The following CFAP299 variants were observed in gnomAD, a reference collection of about 807,000 sequenced individuals.
CFAP299 encodes the protein cilia- and flagella-associated protein 299.
In CFAP299, 21 loss-of-function variants were observed where a neutral mutation model predicts 27.0. The ratio of observed to expected loss-of-function variants is 0.78; its 90% CI spans 0.55 to 1.12. CFAP299 has a LOEUF of 1.12. Ranked by LOEUF, CFAP299 falls within the 50% of genes most tolerant of loss-of-function variation. The probability of loss-of-function intolerance (pLI) is 0.00; values close to 1 mark genes in which losing one functional copy is unlikely to be tolerated. For synonymous variants in CFAP299, 104 were observed against 98.1 expected (o/e 1.06, Z -0.36); for missense variants, 310 against 276.6 (o/e 1.12, Z -0.86).
At chr4:80,817,654 A>G (rs183963913) in intron 3 of CFAP299, among the ~76,000 whole-genome samples, 48 of 152,266 alleles carry the variant, frequency 3.2e-4, no homozygotes, top group African/African-American at 1.1e-3. Context: ...CATTTAGGAC[A>G]AATTTAGCAC....
At chr4:80,335,043 A>G (rs1722069744), upstream of CFAP299, among the ~76,000 whole-genome samples, 1 of 152,248 alleles carries the variant, frequency 6.6e-6, no homozygotes, top group Non-Finnish European at 1.5e-5. Flanking sequence ...TAAAAACACA[A>G]TACTGTTCTG....
At chr4:80,675,649 G>A (rs1025332247) in intron 3 of CFAP299, among the ~76,000 whole-genome samples, 10 of 152,160 alleles carry the variant, frequency 6.6e-5, no homozygotes, top group Non-Finnish European at 2.9e-5. Flanking sequence ...CCAGAGGTGG[G>A]GTCTACAGAG....
intron 3 of CFAP299, among the ~76,000 whole-genome samples, chr4:80,743,542 T>C (rs1341706478): frequency 6.6e-6 from 1 of 152,180 alleles, no homozygotes; most frequent in Admixed American, 6.5e-5. Flanking sequence ...ATGACTTGGT[T>C]TTCACACACT....
rs1291326952 is a variant in CFAP299 at position 80,785,828 on chromosome 4, A to G, written c.334-84165A>G. 3.9e-5 allele frequency among the ~76,000 whole-genome samples: 6 copies of G among 152,082 alleles called. No homozygotes were observed. The East Asian group carries it at 1.2e-3, about 29-fold the overall frequency. ...ATTTTCCACAGAGTGTGACTTTTTT[A>G]ATTGAAAGAGTCTATAAGTGGTTTC... On this transcript the variant is annotated intron_variant, in intron 3 of 5. Transcript: ENST00000358105.
intron 3 of CFAP299, among the ~76,000 whole-genome samples, chr4:80,841,762 C>T (rs1336288493): frequency 6.6e-6 from 1 of 152,022 alleles, no homozygotes; most frequent in Non-Finnish European, 1.5e-5. Flanking sequence ...CAGAGCTAAG[C>T]TAAACCACAT....
intron 2 of CFAP299, among the ~76,000 whole-genome samples, chr4:80,580,745 T>G (rs1420302488): frequency 2.6e-5 from 4 of 152,024 alleles, no homozygotes; most frequent in Admixed American, 6.6e-5. Flanking sequence ...TTACTAAAAA[T>G]TCCTAGACAG....
At chr4:80,943,808 C>G (rs2110230011) in intron 4 of CFAP299, among the ~76,000 whole-genome samples, 1 of 152,208 alleles carries the variant, frequency 6.6e-6, no homozygotes, top group South Asian at 2.1e-4. Context: ...GTGGCTCACG[C>G]CTGTAATCCC....
At position 80,427,503 on chromosome 4, in the gene CFAP299, G is replaced by A. The variant is rs115790819; in HGVS notation, c.242+64619G>A. Among the ~76,000 whole-genome samples, 355 of 152,148 alleles carry A rather than the reference G, an allele frequency of 2.3e-3. 1 individual carries two copies. Among genetic ancestry groups the A allele is most frequent in the Middle Eastern group, 3.4e-3 (1 of 294 alleles). ...GAAGTCTTCTTAACCTGAATCTCAC[G>A]GACCTTTTCAGGTTTCAATAAATGA... is the stretch of plus-strand genomic sequence containing the variant. On this transcript the variant is annotated intron_variant, in intron 2 of 5. Coordinates refer to ENST00000358105, the MANE Select transcript of CFAP299 (RefSeq NM_152770.3).
chr4:80,397,942 C>T (rs1717828352), intron 2 of CFAP299, among the ~76,000 whole-genome samples: 1 of 152,144 alleles, frequency 6.6e-6, no homozygotes, highest in South Asian at 2.1e-4. Flanking sequence ...AAAACCCCAT[C>T]ATCTCAGCCC....
At chr4:80,413,103 T>G (rs1444797866) in intron 2 of CFAP299, among the ~76,000 whole-genome samples, 1 of 151,808 alleles carries the variant, frequency 6.6e-6, no homozygotes, top group African/African-American at 2.4e-5. Context: ...GTGGACCTTG[T>G]TTGTATCCCA....
chr4:80,890,736 T>A (rs2110185840), intron 4 of CFAP299, among the ~76,000 whole-genome samples: 1 of 150,868 alleles, frequency 6.6e-6, no homozygotes, highest in African/African-American at 2.5e-5. Context: ...TTTCCTGACT[T>A]TTTAATGATT....
At position 80,339,333 on chromosome 4, in the gene CFAP299, T is replaced by C. The variant is rs542549961; in HGVS notation, c.111+3454T>C. ...ATAGTGCTTTTATTCTTTTTGGTCG[T>C]GAGTTTGCCAACAATTTGCTGCCAT... is the stretch of plus-strand genomic sequence containing the variant. On this transcript the variant is annotated intron_variant, in intron 1 of 5. Coordinates refer to ENST00000358105, the MANE Select transcript of CFAP299 (RefSeq NM_152770.3). 5.4e-4 allele frequency among the ~76,000 whole-genome samples: 83 copies of C among 152,338 alleles called. 1 individual carries two copies. The South Asian group carries it at 0.016, about 30-fold the overall frequency.
chr4:80,444,935 T>C (rs1475992608), intron 2 of CFAP299, among the ~76,000 whole-genome samples: 1 of 152,164 alleles, frequency 6.6e-6, no homozygotes, highest in Admixed American at 6.5e-5. Context: ...CTCATCATCA[T>C]TGGTCATTAG....
chr4:80,815,258 G>GA (rs76988929), intron 3 of CFAP299, among the ~76,000 whole-genome samples: 19 of 150,282 alleles, frequency 1.3e-4, no homozygotes, highest in African/African-American at 3.4e-4. Flanking sequence ...AAGAAATAAA[G>GA]AAAAAAAAGA....
chr4:80,642,180 A>C (rs1355778989), intron 3 of CFAP299, among the ~76,000 whole-genome samples: 3 of 152,160 alleles, frequency 2.0e-5, no homozygotes, highest in African/African-American at 7.2e-5. Flanking sequence ...TAATCTGTTA[A>C]CTGTGTAAAG....
At chr4:80,703,635 G>C (rs1046396640) in intron 3 of CFAP299, among the ~76,000 whole-genome samples, 4 of 151,424 alleles carry the variant, frequency 2.6e-5, no homozygotes, top group South Asian at 2.1e-4. Flanking sequence ...TGCAATGAAA[G>C]CACTGAATAT....
Position 80,860,029 on chromosome 4 carries a change from C to A in CFAP299, c.334-9964C>A, listed in dbSNP as rs555187334. Among the ~76,000 whole-genome samples the A allele has an allele frequency of 1.5e-3, 226 of 152,288 alleles. 2 individuals are homozygous for A. The highest frequency in any genetic ancestry group is 3.4e-3 in the Middle Eastern group (1 of 294). On this transcript the variant is annotated intron_variant, in intron 3 of 5. Transcript: ENST00000358105. ...GTTTTCCAACTTGGTTCCATTCTCC[C>A]CATCACTTTCAGGTACACCAATCAA...
chr4:80,719,245 G>A (rs536093392), intron 3 of CFAP299, among the ~76,000 whole-genome samples: 1 of 152,190 alleles, frequency 6.6e-6, no homozygotes, highest in South Asian at 2.1e-4. Context: ...CATGACATGA[G>A]TTAACCTATA....
intron 3 of CFAP299, among the ~76,000 whole-genome samples, chr4:80,706,479 C>T (rs537448598): frequency 6.6e-6 from 1 of 151,876 alleles, no homozygotes; most frequent in Non-Finnish European, 1.5e-5. Flanking sequence ...ATCCTCTTTT[C>T]TCCTAATACT....
Sources: allele counts gnomAD v4.1 joint callset (sites outside exome capture counted in the v4.1 genomes callset), GRCh38; gene constraint gnomAD v4.1.1; transcripts MANE v1.5; gene names NCBI Gene and HGNC (gene_info 2026-07-23, HGNC 2026-07-21).